The following TOMM70 variants were observed in gnomAD, a reference collection of about 807,000 sequenced individuals.
The protein encoded by TOMM70 is translocase of outer mitochondrial membrane 70, also known as mitochondrial import receptor subunit TOM70.
A neutral mutation model predicts 73.6 loss-of-function variants in TOMM70; 13 were observed. The ratio of observed to expected loss-of-function variants is 0.18; its 90% CI spans 0.11 to 0.28. The LOEUF (loss-of-function observed/expected upper bound fraction) is 0.28, where lower values mean the gene tolerates loss of function less well. Ranked by LOEUF, TOMM70 falls within the 10% of genes least tolerant of loss-of-function variation. The pLI, the probability that TOMM70 is intolerant of heterozygous loss-of-function variation, is 1.00. For synonymous variants in TOMM70, 257 were observed against 271.2 expected (o/e 0.95, Z 0.51); for missense variants, 609 against 747.5 (o/e 0.81, Z 2.16).
intron 3 of TOMM70, among the ~76,000 whole-genome samples, chr3:100,384,960 G>A (rs1706673833): frequency 6.6e-6 from 1 of 151,502 alleles, no homozygotes; most frequent in Admixed American, 6.6e-5. Context: ...GTTATTCCCT[G>A]TCTCCAAAGC....
rs766012496 is a variant in TOMM70, at chr3:100,372,734, C to G, written c.1336-12G>C. 5.6e-6 allele frequency: 9 copies of G among 1,597,304 alleles called. No homozygotes were observed. The South Asian group carries it at 9.0e-5, about 16-fold the overall frequency. ...TATGCCTGGCGGTACTATAAAAAATCAAAACAGGCCTGTCAAATCAAGAAC... is the reference window on the plus strand; with the variant it reads ...TATGCCTGGCGGTACTATAAAAAATGAAAACAGGCCTGTCAAATCAAGAAC... On this transcript the variant is annotated splice_polypyrimidine_tract_variant and intron_variant, in intron 8 of 11. Transcript: ENST00000284320.
intron 1 of TOMM70, among the ~76,000 whole-genome samples, chr3:100,397,635 A>T (rs772223867): frequency 2.0e-5 from 3 of 152,258 alleles, no homozygotes; most frequent in Non-Finnish European, 4.4e-5. Flanking sequence ...TCATGCCTGT[A>T]ATCCCAGCAC....
At position 100,386,841 on chromosome 3, in the gene TOMM70, T is replaced by C; in HGVS notation, c.462A>G (p.Thr154=). ...CPTEKNVDLS[T]FYQNRAAAFE... ...AGGCAGCAGCTCTGTTTTGATAAAA[T>C]GTAGAAAGGTCAACATTCTTCTCTG... Residue 154 remains threonine, a synonymous_variant, in exon 2 of 12, where the codon ACA becomes ACG. Coordinates refer to ENST00000284320, the MANE Select transcript of TOMM70 (RefSeq NM_014820.5). The C allele has an allele frequency of 1.2e-6, 2 of 1,614,138 alleles. No homozygotes were observed. The highest frequency in any genetic ancestry group is 1.3e-5 in the African/African-American group (1 of 75,062).
intron 1 of TOMM70, among the ~76,000 whole-genome samples, chr3:100,387,522 CT>C: frequency 6.6e-6 from 1 of 151,884 alleles, no homozygotes; most frequent in East Asian, 1.9e-4. Context: ...AGCAATCCCC[CT>C]ACCTCCATGT....
intron 7 of TOMM70, 44 bp from the exon 8 acceptor site, chr3:100,373,689 TTAAG>T (rs766360990): frequency 1.5e-6 from 1 of 652,468 alleles, no homozygotes. Flanking sequence ...ACTAGTCCAG[TTAAG>T]TATGTTCAGT....
Position 100,381,569 on chromosome 3 carries a change from A to G in TOMM70, c.884+46T>C, listed in dbSNP as rs746186139. ...CATATGGGCCCTAAGGAAAGTTCAA[A>G]GCACCCAAAACACCACTAAGTAGAC... On this transcript the variant is annotated intron_variant, in intron 5 of 11. Transcript: ENST00000284320. 3.2e-6 allele frequency: 5 copies of G among 1,570,882 alleles called. No individual in the cohort carries two copies. The South Asian group carries it at 6.0e-5, about 19-fold the overall frequency.
chr3:100,382,054 A>T (rs558613266), intron 4 of TOMM70, among the ~76,000 whole-genome samples: 1 of 152,302 alleles, frequency 6.6e-6, no homozygotes, highest in East Asian at 1.9e-4. Flanking sequence ...TTTCATCTGA[A>T]GATCTTTATT....
At position 100,372,693 on chromosome 3, in the gene TOMM70, A is replaced by C; in HGVS notation, c.1365T>G (p.Ser455=). 6.2e-7 allele frequency: 1 copy of C among 1,614,084 alleles called. No homozygotes were observed. The highest frequency in any genetic ancestry group is 1.1e-5 in the South Asian group (1 of 91,066). The change falls in exon 9 of 12, where the codon TCT becomes TCG. Residue 455 remains serine, a synonymous_variant. Transcript: ENST00000284320. ...LYRQAYTGNN[S]SQIQAAMKGF... is the part of the protein sequence containing the mutation. ...CTTTCATAGCTGCTTGGATTTGTGA[A>C]GAGTTGTTTCCCGTATATGCCTGGC...
intron 9 of TOMM70, among the ~76,000 whole-genome samples, chr3:100,369,785 G>T (rs1160595755): frequency 6.6e-6 from 1 of 152,138 alleles, no homozygotes. Flanking sequence ...ACAGGAGTGA[G>T]CCACCGCACC....
At position 100,400,726 on chromosome 3, in the gene TOMM70, C is replaced by A. The variant is rs1051748232; in HGVS notation, c.224G>T (p.Ser75Ile). The change falls in exon 1 of 12, where the codon AGC becomes ATC. Residue 75 changes from serine (S) to isoleucine (I), a missense_variant. Physicochemically the swap from Ser to Ile is moderately radical, Grantham distance 142 (BLOSUM62 -2). Coordinates refer to ENST00000284320, the MANE Select transcript of TOMM70 (RefSeq NM_014820.5). ...CCGTTCGCTGTTGCGCTTCAGGCCG[C>A]TGGCGTCGCCCCGGCCTCTGGCCTC... ...RREARGRGDA[S>I]GLKRNSERKT... 8 of 1,607,818 alleles carry A rather than the reference C, an allele frequency of 5.0e-6. No homozygotes were observed. The highest frequency in any genetic ancestry group is 6.8e-6 in the Non-Finnish European group (8 of 1,178,618).
chr3:100,374,199 C>A (rs530222232), intron 7 of TOMM70, among the ~76,000 whole-genome samples: 1 of 152,304 alleles, frequency 6.6e-6, no homozygotes, highest in South Asian at 2.1e-4. Flanking sequence ...CAGATACTTA[C>A]CATTGTGTTA....
chr3:100,397,523 C>T (rs779207117), intron 1 of TOMM70, among the ~76,000 whole-genome samples: 33 of 151,334 alleles, frequency 2.2e-4, no homozygotes, highest in Admixed American at 1.3e-4. Flanking sequence ...AAAAATAAAT[C>T]ATTTTAAAGC....
chr3:100,395,533 A>G (rs1706816357), intron 1 of TOMM70, among the ~76,000 whole-genome samples: 1 of 129,308 alleles, frequency 7.7e-6, no homozygotes, highest in Non-Finnish European at 1.5e-5. Context: ...ACAGAGCGCG[A>G]CTCCAACTCA....
chr3:100,385,346 AAAC>A (rs1319918278), intron 3 of TOMM70, among the ~76,000 whole-genome samples: 2 of 152,212 alleles, frequency 1.3e-5, no homozygotes, highest in Non-Finnish European at 2.9e-5. Flanking sequence ...CCCTTTTCTA[AAAC>A]AACAGTCTTT....
intron 1 of TOMM70, among the ~76,000 whole-genome samples, chr3:100,397,092 T>C (rs767296490): frequency 6.6e-6 from 1 of 152,198 alleles, no homozygotes; most frequent in Non-Finnish European, 1.5e-5. Flanking sequence ...TAGCTATTGC[T>C]CAGGTGGAGA....
At position 100,365,512 on chromosome 3, in the gene TOMM70, T is replaced by C. The variant is rs752772066; in HGVS notation, c.*52A>G. ...TCATGACAGTGTCTTTAGGGTTCAG[T>C]TGAAGAGGGGGTAAACTTTTAAAAA... On this transcript the variant is annotated 3_prime_UTR_variant, in exon 12 of 12. Coordinates refer to ENST00000284320, the MANE Select transcript of TOMM70 (RefSeq NM_014820.5). The C allele has an allele frequency of 3.1e-6, 5 of 1,610,788 alleles. No individual in the cohort carries two copies. Among genetic ancestry groups the C allele is most frequent in the Non-Finnish European group, 3.4e-6 (4 of 1,177,654 alleles).
At chr3:100,387,053 T>A in intron 1 of TOMM70, 75 bp from the exon 2 acceptor site, 1 of 1,479,994 alleles carries the variant, frequency 6.8e-7, no homozygotes. Flanking sequence ...AAACAATAAA[T>A]TGATAAAAAC....
intron 1 of TOMM70, among the ~76,000 whole-genome samples, chr3:100,394,232 G>A (rs1706795025): frequency 6.6e-6 from 1 of 152,058 alleles, no homozygotes; most frequent in Non-Finnish European, 1.5e-5. Flanking sequence ...TGGTTTTATT[G>A]TTTTAAATTT....
At chr3:100,396,208 G>C (rs1027879702) in intron 1 of TOMM70, among the ~76,000 whole-genome samples, 2 of 152,056 alleles carry the variant, frequency 1.3e-5, no homozygotes, top group South Asian at 2.1e-4. Flanking sequence ...ATTTGGGGGA[G>C]AGAATGACTT....
Sources: gnomAD v4.1 joint callset for allele counts (sites outside exome capture counted in the v4.1 genomes callset) on GRCh38, gnomAD v4.1.1 for gene constraint, MANE v1.5 for transcripts, NCBI Gene and HGNC (gene_info 2026-07-23, HGNC 2026-07-21) for gene names.